Variants in HIVEP1 observed in about 807,000 individuals in gnomAD.
HIVEP1 encodes zinc finger protein 40.
HIVEP1 carries 36 observed loss-of-function variants against 180.0 expected under a neutral mutation model. That is an observed-to-expected ratio of 0.20 (90% confidence interval 0.15 to 0.26). The LOEUF (loss-of-function observed/expected upper bound fraction) is 0.26. Ranked by LOEUF, HIVEP1 falls within the 10% of genes least tolerant of loss-of-function variation. HIVEP1 has a pLI of 1.00. For missense variants in HIVEP1, 3,143 were observed against 3,268.7 expected (o/e 0.96, Z 0.94); for synonymous variants, 1,239 against 1,239.0 (o/e 1.00, Z 0.00).
chr6:12,167,653 A>G (rs1187440026), downstream of HIVEP1, among the ~76,000 whole-genome samples: 22 of 106,914 alleles, frequency 2.1e-4, 1 homozygote, highest in South Asian at 2.2e-3. Flanking sequence ...ATACATATAT[A>G]TGTTATATAT....
chr6:12,157,357 G>A (rs991706330), intron 7 of HIVEP1, among the ~76,000 whole-genome samples: 4 of 151,976 alleles, frequency 2.6e-5, no homozygotes, highest in Non-Finnish European at 4.4e-5. Flanking sequence ...ATTGGCAACC[G>A]TTTTCTGTTT....
intron 3 of HIVEP1, among the ~76,000 whole-genome samples, chr6:12,092,235 TA>T: frequency 6.6e-6 from 1 of 152,270 alleles, no homozygotes; most frequent in South Asian, 2.1e-4. Flanking sequence ...TCAGTCCTTT[TA>T]AAAAACAATT....
At chr6:12,053,874 C>T (rs189024038) in intron 2 of HIVEP1, among the ~76,000 whole-genome samples, 12 of 152,222 alleles carry the variant, frequency 7.9e-5, no homozygotes, top group Admixed American at 2.0e-4. Flanking sequence ...TGGTACATAA[C>T]GTATCTTTTA....
intron 7 of HIVEP1, among the ~76,000 whole-genome samples, chr6:12,140,827 T>C (rs1176248025): frequency 1.3e-5 from 2 of 151,486 alleles, no homozygotes; most frequent in Non-Finnish European, 2.9e-5. Flanking sequence ...GAAAAAAGAG[T>C]AGAAAGAAAC....
At chr6:12,191,130 T>C in the HIVEP1 span, among the ~76,000 whole-genome samples, 1 of 152,212 alleles carries the variant, frequency 6.6e-6, no homozygotes, top group African/African-American at 2.4e-5. Flanking sequence ...AGTAATAGTA[T>C]TTTAAAAATT....
At chr6:12,022,615 T>G (rs926183723) in intron 2 of HIVEP1, among the ~76,000 whole-genome samples, 1 of 152,232 alleles carries the variant, frequency 6.6e-6, no homozygotes, top group Non-Finnish European at 1.5e-5. Flanking sequence ...TGAGATGATA[T>G]GGCAAATGTA....
chr6:12,107,201 AT>A (rs892879885), intron 3 of HIVEP1, among the ~76,000 whole-genome samples: 2 of 152,090 alleles, frequency 1.3e-5, no homozygotes, highest in Admixed American at 6.5e-5. Context: ...GGTTACGTGA[AT>A]TTTTTTTATT....
chr6:12,021,398 A>G (rs1768198198), intron 2 of HIVEP1, among the ~76,000 whole-genome samples: 1 of 151,686 alleles, frequency 6.6e-6, no homozygotes, highest in African/African-American at 2.4e-5. Flanking sequence ...TTCCATTTCT[A>G]CTGTTTTCTT....
chr6:12,206,156 C>CA, the HIVEP1 span, among the ~76,000 whole-genome samples: 2 of 151,982 alleles, frequency 1.3e-5, no homozygotes. Context: ...TTCTTGGAGA[C>CA]AGAGTCTCGC....
At chr6:12,165,216 A>C (rs1234743241), downstream of HIVEP1, 2 of 465,988 alleles carry the variant, frequency 4.3e-6, no homozygotes, top group Non-Finnish European at 8.4e-6. Context: ...TTTCATAGTT[A>C]TTATTAGAAG....
At position 12,121,185 on chromosome 6, in the gene HIVEP1, C is replaced by A; in HGVS notation, c.1390C>A (p.Leu464Ile). The change falls in exon 4 of 9, where the codon CTT becomes ATT. Residue 464 changes from leucine (L) to isoleucine (I), a missense_variant. This residue lies in a region of HIVEP1 where 365 missense variants were observed against 344.4 expected (regional missense o/e 1.06). Coordinates refer to ENST00000379388, the MANE Select transcript of HIVEP1 (RefSeq NM_002114.4). This position sits in a 1 kb window ranked among gnomAD's most constrained non-coding sequence, Gnocchi z 5.3. ...CCACGCACATACTATCAAACTGGGT[C>A]TTGTCTTGCAACCAGATGCTGGTGG... is the stretch of plus-strand genomic sequence containing the variant. ...KSHAHTIKLGLVLQPDAGGLF... is the reference protein window; with the variant it reads ...KSHAHTIKLGIVLQPDAGGLF... 1 of 1,614,098 alleles carries A rather than the reference C, an allele frequency of 6.2e-7. No individual in the cohort carries two copies. Among genetic ancestry groups the A allele is most frequent in the Non-Finnish European group, 8.5e-7 (1 of 1,179,998 alleles).
At chr6:12,036,010 A>G (rs1426729959) in intron 2 of HIVEP1, among the ~76,000 whole-genome samples, 1 of 152,212 alleles carries the variant, frequency 6.6e-6, no homozygotes, top group African/African-American at 2.4e-5. Context: ...ATAAGAAAAA[A>G]TGGAAACAAT....
At chr6:12,165,989 T>C (rs1396224099), downstream of HIVEP1, among the ~76,000 whole-genome samples, 1 of 152,196 alleles carries the variant, frequency 6.6e-6, no homozygotes, top group Admixed American at 6.5e-5. Context: ...AATGCTTCAA[T>C]TTACATTTAC....
intron 2 of HIVEP1, chr6:12,038,004 C>T (rs996523205): frequency 4.5e-5 from 17 of 374,474 alleles, no homozygotes; most frequent in African/African-American, 1.5e-4. Context: ...CATGAGCCAC[C>T]GCACCTAGTC....
At position 12,108,737 on chromosome 6, in the gene HIVEP1, C is replaced by T. The variant is rs575119507; in HGVS notation, c.95-11153C>T. Among the ~76,000 whole-genome samples the T allele has an allele frequency of 1.2e-4, 19 of 152,320 alleles. No individual in the cohort carries two copies. In the South Asian group the frequency reaches 3.9e-3, roughly 32 times the overall value. On this transcript the variant is annotated intron_variant, in intron 3 of 8. Transcript: ENST00000379388. The stretch of plus-strand genomic sequence containing the variant: ...CGGAGCTCCAGCTGGCCTGCAAGCG[C>T]CGCGCGCACCCCCGGTTCCCGCTCG...
intron 7 of HIVEP1, among the ~76,000 whole-genome samples, chr6:12,161,093 T>C (rs1025319451): frequency 6.6e-6 from 1 of 152,242 alleles, no homozygotes; most frequent in African/African-American, 2.4e-5. Flanking sequence ...ATTAATTTTA[T>C]ATGTAGTTCA....
chr6:12,050,554 C>G (rs1446208166), intron 2 of HIVEP1, among the ~76,000 whole-genome samples: 1 of 151,808 alleles, frequency 6.6e-6, no homozygotes, highest in African/African-American at 2.4e-5. Flanking sequence ...CCACTACACT[C>G]CAGCCTGGGC....
chr6:12,211,819 G>A, the HIVEP1 span, among the ~76,000 whole-genome samples: 143,466 of 152,286 alleles, frequency 0.94, 67,627 homozygotes, highest in East Asian at 1. Flanking sequence ...AGGAACTTCC[G>A]TGGTTGAGAC....
the HIVEP1 span, among the ~76,000 whole-genome samples, chr6:12,170,271 T>G: frequency 7.1e-6 from 1 of 140,820 alleles, no homozygotes; most frequent in South Asian, 2.3e-4. Flanking sequence ...CCAGCAGGAG[T>G]GCGAATGAAG....
Sources: allele counts gnomAD v4.1 joint callset (sites outside exome capture counted in the v4.1 genomes callset), GRCh38; gene constraint gnomAD v4.1.1; regional missense constraint gnomAD v4.1.1; non-coding constraint Gnocchi (gnomAD v3.1); transcripts MANE v1.5; gene names NCBI Gene and HGNC (gene_info 2026-07-23, HGNC 2026-07-21).